KCNH1: variants seen among roughly 807,000 people sequenced by gnomAD.
KCNH1 encodes the protein potassium voltage-gated channel subfamily H member 1, also known as voltage-gated delayed rectifier potassium channel KCNH1.
A neutral mutation model predicts 69.2 loss-of-function variants in KCNH1; 27 were observed. The observed-to-expected ratio is 0.39, with a 90% CI of 0.29 to 0.54. The LOEUF is 0.54. KCNH1 is among the 20% of genes least tolerant of loss of function. The pLI, the probability that KCNH1 is intolerant of heterozygous loss-of-function variation, is 0.68. For synonymous variants in KCNH1, 456 were observed against 487.7 expected, an observed-to-expected ratio of 0.93 and a Z score of 0.86; for missense variants, 798 against 1,261.6, an observed-to-expected ratio of 0.63 and a Z score of 5.57.
chr1:211,066,909 A>G (rs1690540629), intron 5 of KCNH1, among the ~76,000 whole-genome samples: 1 of 152,134 alleles, frequency 6.6e-6, no homozygotes, highest in South Asian at 2.1e-4. Context: ...GAGCTGGAAT[A>G]CCCACCCCCC....
chr1:210,938,342 A>G (rs1231225367), intron 6 of KCNH1, among the ~76,000 whole-genome samples: 1 of 152,242 alleles, frequency 6.6e-6, no homozygotes, highest in Non-Finnish European at 1.5e-5. Flanking sequence ...GTTAAATACT[A>G]GAAATATCGA....
rs1681200841 is a variant in KCNH1, at chr1:210,678,954, A to G, written c.*4327T>C. On this transcript the variant is annotated 3_prime_UTR_variant, in exon 11 of 11. Coordinates refer to ENST00000271751, the MANE Select transcript of KCNH1 (RefSeq NM_172362.3). ...GCAGGGAATTCAAGTCCAGTTCTAG[A>G]GGTTCCAGAATAAGTCTGATATGCT... 1 of 152,246 alleles carries G rather than the reference A, an allele frequency of 6.6e-6. No individual in the cohort carries two copies. The highest frequency in any genetic ancestry group is 6.5e-5 in the Admixed American group (1 of 15,290). The allele number at this position is 152,246 out of a possible 1,614,324, so 9.4% of individuals were successfully genotyped here. A position where few individuals can be genotyped will look rare whatever the true frequency, so the allele number is the denominator to read the frequency against.
intron 6 of KCNH1, among the ~76,000 whole-genome samples, chr1:210,988,854 G>C (rs1688892306): frequency 6.6e-6 from 1 of 152,192 alleles, no homozygotes; most frequent in African/African-American, 2.4e-5. Flanking sequence ...CTGCCTGCTT[G>C]AGATTAGACC....
chr1:210,855,851 C>A (rs574680871), intron 7 of KCNH1, among the ~76,000 whole-genome samples: 112 of 152,308 alleles, frequency 7.4e-4, no homozygotes, highest in African/African-American at 2.6e-3. Context: ...CCTGCAAGTA[C>A]TTGAGCTGTA....
At chr1:211,033,121 C>CA (rs1689823472) in intron 5 of KCNH1, among the ~76,000 whole-genome samples, 1 of 152,168 alleles carries the variant, frequency 6.6e-6, no homozygotes, top group Non-Finnish European at 1.5e-5. Context: ...AGACACTTCT[C>CA]AAAAGAAGAC....
At chr1:211,053,371 GA>G (rs1162819925) in intron 5 of KCNH1, among the ~76,000 whole-genome samples, 1 of 152,174 alleles carries the variant, frequency 6.6e-6, no homozygotes, top group Non-Finnish European at 1.5e-5. Flanking sequence ...AATGAGAGCT[GA>G]AACCAAACAG....
At chr1:211,041,447 G>A (rs1400723393) in intron 5 of KCNH1, among the ~76,000 whole-genome samples, 1 of 152,110 alleles carries the variant, frequency 6.6e-6, no homozygotes, top group Non-Finnish European at 1.5e-5. Context: ...ATATAACTCA[G>A]GAGCCATTCA....
At chr1:211,018,495 C>G (rs1388501118) in intron 6 of KCNH1, among the ~76,000 whole-genome samples, 1 of 152,210 alleles carries the variant, frequency 6.6e-6, no homozygotes, top group African/African-American at 2.4e-5. Context: ...AGTGCAGTGG[C>G]CATGCATGCC....
chr1:210,707,249 G>T (rs1363055451), intron 10 of KCNH1, among the ~76,000 whole-genome samples: 1 of 152,098 alleles, frequency 6.6e-6, no homozygotes, highest in Non-Finnish European at 1.5e-5. Context: ...CCCCTACCCT[G>T]GGAATGCACC....
chr1:211,111,350 C>G (rs1571655116), intron 1 of KCNH1, among the ~76,000 whole-genome samples: 1 of 149,934 alleles, frequency 6.7e-6, no homozygotes, highest in African/African-American at 2.5e-5. Context: ...GCCCCCCCAC[C>G]GTCTGGGAAG....
chr1:210,813,155 G>A (rs180892173), intron 7 of KCNH1, among the ~76,000 whole-genome samples: 2 of 152,290 alleles, frequency 1.3e-5, no homozygotes, highest in Non-Finnish European at 1.5e-5. Flanking sequence ...TATCATGACA[G>A]TTGACACACA....
chr1:210,703,920 G>A lies in KCNH1; in HGVS notation c.2113-19782C>T, dbSNP rs1681841662. 3.3e-5 allele frequency among the ~76,000 whole-genome samples: 5 copies of A among 152,182 alleles called. No individual in the cohort carries two copies. In the South Asian group the frequency reaches 1.0e-3, roughly 32 times the overall value. ...ACAGCTAGAATTCAGGCACCAGCAA[G>A]GGGAATGTCAGTATTCAAAGATGGT... On this transcript the variant is annotated intron_variant, in intron 10 of 10. Coordinates refer to ENST00000271751, the MANE Select transcript of KCNH1 (RefSeq NM_172362.3).
At chr1:211,055,534 G>C (rs142059078) in intron 5 of KCNH1, among the ~76,000 whole-genome samples, 1 of 152,194 alleles carries the variant, frequency 6.6e-6, no homozygotes, top group Non-Finnish European at 1.5e-5. Flanking sequence ...TGCTGGACTC[G>C]AAGATAATGA....
At chr1:210,834,128 G>A (rs1354309876) in intron 7 of KCNH1, among the ~76,000 whole-genome samples, 1 of 152,018 alleles carries the variant, frequency 6.6e-6, no homozygotes, top group African/African-American at 2.4e-5. Context: ...TCAGTGTGGC[G>A]ATTCCTCAGG....
intron 5 of KCNH1, among the ~76,000 whole-genome samples, chr1:211,079,925 T>C (rs968987291): frequency 6.6e-6 from 1 of 152,200 alleles, no homozygotes; most frequent in Non-Finnish European, 1.5e-5. Context: ...AGATGCCCTC[T>C]CTCACCACTC....
chr1:210,832,903 A>AATATATATATATATATAT (rs1182447741), intron 7 of KCNH1, among the ~76,000 whole-genome samples: 2 of 39,010 alleles, frequency 5.1e-5, no homozygotes, highest in Admixed American at 2.0e-4. Flanking sequence ...GCATTTCTCA[A>AATATATATATATATATAT]ATACATATAT....
At chr1:210,827,140 A>G (rs1157905959) in intron 7 of KCNH1, among the ~76,000 whole-genome samples, 1 of 152,176 alleles carries the variant, frequency 6.6e-6, no homozygotes, top group Non-Finnish European at 1.5e-5. Flanking sequence ...GTTTCAGACC[A>G]TCCTGACCAA....
rs1222394254 is a variant in KCNH1 at position 211,026,372 on chromosome 1, T to C, written c.559-7116A>G. ...AGCAACCTGGAAACTCCAAGGAGTA[T>C]AGACAAAAAAAAAAAAAAAAAAACA... On this transcript the variant is annotated intron_variant, in intron 5 of 10. Transcript: ENST00000271751. 6.0e-5 allele frequency among the ~76,000 whole-genome samples: 3 copies of C among 49,692 alleles called. No individual in the cohort carries two copies. In the East Asian group the frequency reaches 1.7e-3, roughly 27 times the overall value. 32.6% of individuals were successfully genotyped at this position (49,692 alleles called of 152,430 possible).
chr1:210,943,523 A>ATT (rs796243599), intron 6 of KCNH1, among the ~76,000 whole-genome samples: 1 of 147,008 alleles, frequency 6.8e-6, no homozygotes, highest in Non-Finnish European at 1.5e-5. Flanking sequence ...TAATTTTTGT[A>ATT]TTTTTTTTTT....
Sources: gnomAD v4.1 joint callset for allele counts (sites outside exome capture counted in the v4.1 genomes callset) on GRCh38, gnomAD v4.1.1 for gene constraint, MANE v1.5 for transcripts, NCBI Gene and HGNC (gene_info 2026-07-23, HGNC 2026-07-21) for gene names.